ZNF546: variants seen among roughly 807,000 people sequenced by gnomAD.
ZNF546 encodes the protein zinc finger protein 546, also known as CTC-471F3.6.
ZNF546 carries 60 observed loss-of-function variants against 76.2 expected under a neutral mutation model. The ratio of observed to expected loss-of-function variants is 0.79; its 90% confidence interval spans 0.64 to 0.98. The LOEUF (loss-of-function observed/expected upper bound fraction) is 0.98, where lower values mean the gene tolerates loss of function less well. ZNF546 is among the 50% of genes least tolerant of loss of function. The probability of loss-of-function intolerance (pLI) is 0.00; values close to 1 mark genes in which losing one functional copy is unlikely to be tolerated. For missense variants in ZNF546, 936 were observed against 1,035.6 expected (o/e 0.90, Z 1.32); for synonymous variants, 277 against 328.1 (o/e 0.84, Z 1.68).
In ZNF546 at chr19:40,014,231, A is replaced by T; in HGVS notation, c.961A>T (p.Thr321Ser). ...TGTTAGAGACCTTAGAGTACATCAG[A>T]CAATTCATGCTGGAGAGAGACCTTA... Reference protein sequence around the residue: ...SRVRDLRVHQTIHAGERPYEC... With the variant: ...SRVRDLRVHQSIHAGERPYEC... The change falls in exon 7 of 7, where the codon ACA (threonine) becomes TCA (serine). Residue 321 changes from threonine to serine, a missense_variant. By Grantham distance (58) the Thr-to-Ser change is moderately conservative. Transcript: ENST00000347077. 1 of 1,613,594 alleles carries T rather than the reference A, an allele frequency of 6.2e-7. No homozygotes were observed. Among genetic ancestry groups the T allele is most frequent in the Non-Finnish European group, 8.5e-7 (1 of 1,179,574 alleles).
chr19:39,999,909 GTA>G (rs1971505223), intron 3 of ZNF546: 1 of 152,228 alleles, frequency 6.6e-6, no homozygotes, highest in Non-Finnish European at 1.5e-5. Flanking sequence ...ACACTTGTAT[GTA>G]TGTGTGTGTG....
Position 40,014,365 on chromosome 19 carries a change from C to G in ZNF546, c.1095C>G (p.Thr365=). The change falls in exon 7 of 7, where the codon ACC becomes ACG. Residue 365 remains threonine, a synonymous_variant. Coordinates refer to ENST00000347077, the MANE Select transcript of ZNF546 (RefSeq NM_178544.5). ...RPYECKVCGK[T]FRVQRHISQH... is the part of the protein sequence containing the mutation. Reference sequence around the variant, plus strand: ...ATGAATGTAAGGTTTGTGGCAAGACCTTTAGGGTACAACGACATATTAGTC... The same window carrying G: ...ATGAATGTAAGGTTTGTGGCAAGACGTTTAGGGTACAACGACATATTAGTC... 6.2e-7 allele frequency: 1 copy of G among 1,613,918 alleles called. No individual in the cohort carries two copies. The highest frequency in any genetic ancestry group is 8.5e-7 in the Non-Finnish European group (1 of 1,179,982).
rs1476132626 is a variant in ZNF546, at chr19:40,019,076, T to C, written c.*3295T>C. On this transcript the variant is annotated 3_prime_UTR_variant, in exon 7 of 7. Coordinates refer to ENST00000347077, the MANE Select transcript of ZNF546 (RefSeq NM_178544.5). The stretch of plus-strand genomic sequence containing the variant: ...TAGTAAACGATCTGTAGAGTAGTAC[T>C]TTGGCATTTCGGAAATTTAAAATCT... 2 of 152,200 alleles carry C rather than the reference T, an allele frequency of 1.3e-5. No homozygotes were observed. The highest frequency in any genetic ancestry group is 2.9e-5 in the Non-Finnish European group (2 of 68,034). 9.4% of individuals were successfully genotyped at this position (152,200 alleles called of 1,614,324 possible).
intron 3 of ZNF546, chr19:39,998,633 T>C (rs1398757388): frequency 7.8e-6 from 4 of 515,200 alleles, no homozygotes; most frequent in East Asian, 6.2e-5. Context: ...AGTCCAAGCA[T>C]AGAAATCTGT....
In ZNF546 at chr19:40,014,988, G is replaced by C. The variant is rs575485781; in HGVS notation, c.1718G>C (p.Arg573Pro). The C allele has an allele frequency of 1.2e-6, 2 of 1,613,928 alleles. No homozygotes were observed. The highest frequency in any genetic ancestry group is 1.3e-5 in the African/African-American group (1 of 74,888). The change falls in exon 7 of 7, where the codon CGA (arginine) becomes CCA (proline). Residue 573 changes from arginine to proline, a missense_variant. Transcript: ENST00000347077. ...AGCAATCAATTTATTTCACACCAGCGAATTCACACCAGTGAGAGCACCTAC... is the reference window on the plus strand; with the variant it reads ...AGCAATCAATTTATTTCACACCAGCCAATTCACACCAGTGAGAGCACCTAC... ...IHSNQFISHQ[R>P]IHTSESTYIC... is the part of the protein sequence containing the mutation.
intron 6 of ZNF546, among the ~76,000 whole-genome samples, chr19:40,010,994 T>A (rs931216484): frequency 1.1e-4 from 17 of 152,140 alleles, no homozygotes. Context: ...GCCCATTTTC[T>A]AATTGCATTG....
intron 1 of ZNF546, among the ~76,000 whole-genome samples, chr19:39,997,541 C>A (rs1264097909): frequency 1.3e-5 from 2 of 152,184 alleles, no homozygotes; most frequent in Non-Finnish European, 1.5e-5. Flanking sequence ...AGGTACAGAC[C>A]TGGGTTGGCG....
rs1371615186 is a variant in ZNF546 at position 40,014,928 on chromosome 19, A to G, written c.1658A>G (p.Tyr553Cys). The G allele has an allele frequency of 3.1e-6, 5 of 1,614,152 alleles. No individual in the cohort carries two copies. The East Asian group carries it at 6.7e-5, about 22-fold the overall frequency. ...HHRIHTCEKP[Y>C]ECKECGKAFI... is the part of the protein sequence containing the mutation. Reference sequence around the variant, plus strand: ...AGAATTCATACATGTGAGAAACCCTATGAATGTAAGGAATGTGGGAAGGCT... The same window carrying G: ...AGAATTCATACATGTGAGAAACCCTGTGAATGTAAGGAATGTGGGAAGGCT... Residue 553 changes from tyrosine to cysteine, a missense_variant, in exon 7 of 7, where the codon TAT becomes TGT. Physicochemically the swap from Tyr to Cys is radical, Grantham distance 194. Coordinates refer to ENST00000347077, the MANE Select transcript of ZNF546 (RefSeq NM_178544.5).
chr19:40,000,592 G>A (rs111452970), intron 3 of ZNF546, among the ~76,000 whole-genome samples: 2,730 of 149,108 alleles, frequency 0.018, 54 homozygotes, highest in African/African-American at 0.044. Flanking sequence ...CTCCAGGCTG[G>A]GCGACAGAGT....
chr19:39,998,069 A>G (rs1971478301), intron 2 of ZNF546, among the ~76,000 whole-genome samples, 154 bp downstream of exon 2: 1 of 152,246 alleles, frequency 6.6e-6, no homozygotes, highest in South Asian at 2.1e-4. Context: ...CATTGCTCAC[A>G]GTCACAAAAA....
At chr19:40,013,589 AT>A in intron 6 of ZNF546, 75 bp from the exon 7 acceptor site, 3 of 1,227,584 alleles carry the variant, frequency 2.4e-6, no homozygotes, top group Non-Finnish European at 3.3e-6. Flanking sequence ...TACAACCCCC[AT>A]CCCTGCCCCA....
At chr19:40,001,084 C>T (rs77772099) in intron 3 of ZNF546, among the ~76,000 whole-genome samples, 2,367 of 152,042 alleles carry the variant, frequency 0.016, 38 homozygotes, top group East Asian at 0.05. Flanking sequence ...TAATAGGGTT[C>T]GCACTCCTAT....
rs1027725460 is a variant in ZNF546 at position 40,019,109 on chromosome 19, T to C, written c.*3328T>C. ...TTCGGAAATTTAAAATCTCCAATAA[T>C]ATAATGACACTAGATCAAAAAGAAA... is the stretch of plus-strand genomic sequence containing the variant. On this transcript the variant is annotated 3_prime_UTR_variant, in exon 7 of 7. Transcript: ENST00000347077. 2 of 152,164 alleles carry C rather than the reference T, an allele frequency of 1.3e-5. No individual in the cohort carries two copies. Among genetic ancestry groups the C allele is most frequent in the Non-Finnish European group, 2.9e-5 (2 of 68,030 alleles). The allele number at this position is 152,164 out of a possible 1,614,324, so 9.4% of individuals were successfully genotyped here. A position where few individuals can be genotyped will look rare whatever the true frequency, so the allele number is the denominator to read the frequency against.
intron 6 of ZNF546, 74 bp downstream of exon 6, chr19:40,008,639 A>G (rs1971636111): frequency 1.6e-6 from 2 of 1,222,940 alleles, no homozygotes; most frequent in South Asian, 1.4e-5. Context: ...GAGGCACAGC[A>G]CTGAGTTGTT....
At chr19:40,004,746 G>A (rs1971581912) in intron 3 of ZNF546, among the ~76,000 whole-genome samples, 1 of 151,970 alleles carries the variant, frequency 6.6e-6, no homozygotes, top group Non-Finnish European at 1.5e-5. Flanking sequence ...TTTCACAAAT[G>A]TAATTATATT....
chr19:40,003,642 A>G (rs1443434907), intron 3 of ZNF546, among the ~76,000 whole-genome samples: 1 of 152,150 alleles, frequency 6.6e-6, no homozygotes, highest in Non-Finnish European at 1.5e-5. Flanking sequence ...ATTAGCATAC[A>G]TGGACATATG....
At chr19:40,005,009 C>CTTTTTTTTTTTTTT (rs752081163) in intron 3 of ZNF546, among the ~76,000 whole-genome samples, 5 of 86,842 alleles carry the variant, frequency 5.8e-5, no homozygotes, top group Non-Finnish European at 1.1e-4. Flanking sequence ...CTGCATGCAT[C>CTTTTTTTTTTTTTT]TTTTTTTTTT....
In ZNF546 at chr19:40,008,470, G is replaced by T. The variant is rs992792599; in HGVS notation, c.299G>T (p.Gly100Val). The T allele has an allele frequency of 3.1e-6, 5 of 1,606,562 alleles. No homozygotes were observed. The highest frequency in any genetic ancestry group is 4.3e-6 in the Non-Finnish European group (5 of 1,174,804). ...LENYSNLVSL[G>V]YTIPKPDVIT... ...GTGTCATTTCTTTTCTCATGAGCAG[G>T]ATATACCATTCCTAAGCCAGATGTG... Residue 100 changes from glycine (G) to valine (V), a missense_variant and splice_region_variant, in exon 6 of 7, where the codon GGA (glycine) becomes GTA (valine). Coordinates refer to ENST00000347077, the MANE Select transcript of ZNF546 (RefSeq NM_178544.5).
intron 3 of ZNF546, among the ~76,000 whole-genome samples, chr19:40,000,479 C>T (rs547282178): frequency 3.3e-5 from 5 of 151,660 alleles, no homozygotes; most frequent in East Asian, 1.9e-4. Context: ...GAAAATTAGC[C>T]GGCTGTGGTG....
Sources: gnomAD v4.1 joint callset for allele counts (sites outside exome capture counted in the v4.1 genomes callset) on GRCh38, gnomAD v4.1.1 for gene constraint, MANE v1.5 for transcripts, NCBI Gene and HGNC (gene_info 2026-07-23, HGNC 2026-07-21) for gene names.